Variants in ARK2C observed in about 807,000 individuals in gnomAD.
The protein encoded by ARK2C is arkadia (RNF111) C-terminal like ring finger ubiquitin ligase 2C, also known as E3 ubiquitin-protein ligase ARK2C.
the ARK2C span, among the ~76,000 whole-genome samples, chr18:46,355,875 G>A: frequency 2.2e-4 from 33 of 152,328 alleles, 1 homozygote; most frequent in East Asian, 6.2e-3. Context: ...GCCATGTTGG[G>A]TATGTGACTG....
At chr18:46,453,036 G>A in the ARK2C span, among the ~76,000 whole-genome samples, 1 of 152,174 alleles carries the variant, frequency 6.6e-6, no homozygotes, top group Non-Finnish European at 1.5e-5. Context: ...CCCAGGAATG[G>A]TGAGCTGCTG....
At chr18:46,379,802 G>T in the ARK2C span, among the ~76,000 whole-genome samples, 3 of 152,226 alleles carry the variant, frequency 2.0e-5, no homozygotes, top group Non-Finnish European at 4.4e-5. Flanking sequence ...ATCTGTTTCA[G>T]GGCCCGTTCA....
chr18:46,342,135 T>C, the ARK2C span, among the ~76,000 whole-genome samples: 2 of 152,186 alleles, frequency 1.3e-5, no homozygotes, highest in African/African-American at 4.8e-5. Context: ...GAGGAGTTAA[T>C]TGAGAATCAG....
chr18:46,435,671 G>C, the ARK2C span, among the ~76,000 whole-genome samples: 2 of 152,226 alleles, frequency 1.3e-5, no homozygotes, highest in Non-Finnish European at 2.9e-5. Flanking sequence ...GGGGGACAGG[G>C]ATAGAAAACA....
chr18:46,437,555 G>C, the ARK2C span, among the ~76,000 whole-genome samples: 1 of 151,590 alleles, frequency 6.6e-6, no homozygotes, highest in Non-Finnish European at 1.5e-5. Flanking sequence ...TCCAGCCCAA[G>C]GTCGTCCACC....
At chr18:46,386,361 C>T in the ARK2C span, 1 of 152,314 alleles carries the variant, frequency 6.6e-6, no homozygotes, top group South Asian at 2.1e-4. Context: ...AATATATAGT[C>T]ATTTCATTTG....
the ARK2C span, among the ~76,000 whole-genome samples, chr18:46,349,674 G>A: frequency 6.6e-6 from 1 of 152,256 alleles, no homozygotes; most frequent in Admixed American, 6.5e-5. Context: ...TTGTGCCAAA[G>A]CCCTATTCAG....
At chr18:46,352,317 CCT>C in the ARK2C span, among the ~76,000 whole-genome samples, 1 of 152,238 alleles carries the variant, frequency 6.6e-6, no homozygotes, top group Non-Finnish European at 1.5e-5. Flanking sequence ...GTTAATGTAG[CCT>C]CAGTTTGCAC....
the ARK2C span, chr18:46,458,203 C>G: frequency 6.6e-6 from 1 of 152,564 alleles, no homozygotes; most frequent in Non-Finnish European, 1.5e-5. Flanking sequence ...AGACCTGATA[C>G]AGTATGTCTT....
At chr18:46,455,280 G>T in the ARK2C span, among the ~76,000 whole-genome samples, 8 of 152,180 alleles carry the variant, frequency 5.3e-5, no homozygotes, top group African/African-American at 1.7e-4. Context: ...AACCTGCTGG[G>T]CCTGAAAGTG....
chr18:46,444,000 T>C, the ARK2C span, among the ~76,000 whole-genome samples: 6 of 152,088 alleles, frequency 3.9e-5, no homozygotes, highest in African/African-American at 1.4e-4. Flanking sequence ...TAAAAATATA[T>C]TTTTTCTAGG....
chr18:46,382,347 T>C, the ARK2C span, among the ~76,000 whole-genome samples: 1 of 152,224 alleles, frequency 6.6e-6, no homozygotes, highest in Admixed American at 6.5e-5. Flanking sequence ...TCTGTCCAGC[T>C]TCAGATTTAC....
chr18:46,431,748 G>T, the ARK2C span, among the ~76,000 whole-genome samples: 34 of 152,304 alleles, frequency 2.2e-4, 1 homozygote, highest in South Asian at 4.4e-3. Context: ...AAGGGGAGGA[G>T]CCCTGGGCAG....
chr18:46,360,050 T>C, the ARK2C span, among the ~76,000 whole-genome samples: 7 of 152,232 alleles, frequency 4.6e-5, no homozygotes, highest in Non-Finnish European at 7.3e-5. Flanking sequence ...ATAGTCATCA[T>C]GTCCAGTGTT....
At chr18:46,399,247 A>G in the ARK2C span, among the ~76,000 whole-genome samples, 1 of 152,122 alleles carries the variant, frequency 6.6e-6, no homozygotes, top group Non-Finnish European at 1.5e-5. Context: ...TGGGACTGGT[A>G]CTCTGGACGT....
chr18:46,334,583 T>C, the ARK2C span: 3 of 490,338 alleles, frequency 6.1e-6, no homozygotes, highest in African/African-American at 6.2e-5. This position sits in a 1 kb window ranked among gnomAD's most constrained non-coding sequence, Gnocchi z 4.4. Flanking sequence ...CCATTTTTTA[T>C]TTTTTGCGGC....
the ARK2C span, among the ~76,000 whole-genome samples, chr18:46,348,831 G>C: frequency 2.6e-5 from 4 of 152,144 alleles, no homozygotes; most frequent in Admixed American, 2.6e-4. Flanking sequence ...GCAACCAAGA[G>C]AGCCCTTTGG....
At chr18:46,395,163 C>T in the ARK2C span, among the ~76,000 whole-genome samples, 2 of 152,316 alleles carry the variant, frequency 1.3e-5, no homozygotes, top group South Asian at 2.1e-4. Flanking sequence ...GAAGTTGAAC[C>T]AGTTATTTCC....
chr18:46,335,571 C>G, the ARK2C span: 2 of 153,048 alleles, frequency 1.3e-5, no homozygotes, highest in East Asian at 3.8e-4. Flanking sequence ...TGGCTCAGGC[C>G]CTCCTCCCCC....
Sources: allele counts gnomAD v4.1 joint callset (sites outside exome capture counted in the v4.1 genomes callset), GRCh38; gene constraint gnomAD v4.1.1; non-coding constraint Gnocchi (gnomAD v3.1); transcripts MANE v1.5; gene names NCBI Gene and HGNC (gene_info 2026-07-23, HGNC 2026-07-21).